SLC24A2: variants seen among roughly 807,000 people sequenced by gnomAD.
SLC24A2 encodes the protein solute carrier family 24 member 2, also known as sodium/potassium/calcium exchanger 2.
SLC24A2 carries 36 observed loss-of-function variants against 62.0 expected under a neutral mutation model. The observed-to-expected ratio is 0.58, with a 90% CI of 0.44 to 0.77. The LOEUF (loss-of-function observed/expected upper bound fraction) is 0.77, where lower values mean the gene tolerates loss of function less well. Among genes scored for constraint, SLC24A2 ranks in the 30% least tolerant of loss-of-function variants. The pLI is 0.00. For synonymous variants in SLC24A2, 358 were observed against 294.0 expected, an observed-to-expected ratio of 1.22 and a Z score of -2.23; for missense variants, 846 against 817.9, an observed-to-expected ratio of 1.03 and a Z score of -0.42.
the SLC24A2 span, among the ~76,000 whole-genome samples, chr9:20,127,076 C>T: frequency 1.3e-5 from 2 of 152,102 alleles, no homozygotes; most frequent in East Asian, 1.9e-4. Flanking sequence ...TTCTTTACCC[C>T]ACCCTAACCC....
the SLC24A2 span, among the ~76,000 whole-genome samples, chr9:20,281,909 A>G: frequency 3.9e-5 from 6 of 152,102 alleles, no homozygotes; most frequent in African/African-American, 1.2e-4. Context: ...ATTTCTCTCA[A>G]TATTGTTTTG....
At chr9:20,086,260 T>A in the SLC24A2 span, among the ~76,000 whole-genome samples, 1 of 152,066 alleles carries the variant, frequency 6.6e-6, no homozygotes, top group Middle Eastern at 3.2e-3. Flanking sequence ...AAATAGCCCA[T>A]CCTCCCCATT....
chr9:19,707,096 T>A (rs1183133186), intron 2 of SLC24A2, among the ~76,000 whole-genome samples: 1 of 151,658 alleles, frequency 6.6e-6, no homozygotes, highest in African/African-American at 2.4e-5. Flanking sequence ...CCCACAGAAA[T>A]ACAAACTACC....
chr9:20,205,713 G>C, the SLC24A2 span, among the ~76,000 whole-genome samples: 2 of 149,898 alleles, frequency 1.3e-5, no homozygotes, highest in African/African-American at 2.5e-5. Context: ...TTCAGATTTA[G>C]GTATTTAGCA....
chr9:19,702,088 C>T (rs536163239), intron 2 of SLC24A2, among the ~76,000 whole-genome samples: 84 of 152,244 alleles, frequency 5.5e-4, no homozygotes, highest in Admixed American at 5.1e-3. Flanking sequence ...CATGTAAAGA[C>T]AGAATTAATA....
At chr9:19,624,664 A>C (rs995952063) in intron 2 of SLC24A2, among the ~76,000 whole-genome samples, 2 of 152,230 alleles carry the variant, frequency 1.3e-5, no homozygotes, top group African/African-American at 4.8e-5. Flanking sequence ...TTTTCTTTCA[A>C]GTGTAATCTG....
intron 2 of SLC24A2, among the ~76,000 whole-genome samples, chr9:19,781,221 G>C (rs1424490991): frequency 2.0e-5 from 3 of 152,186 alleles, no homozygotes; most frequent in African/African-American, 7.2e-5. Context: ...GGATGTACTT[G>C]TGTCCCCAGT....
At chr9:19,612,026 G>A (rs1031489917) in intron 4 of SLC24A2, among the ~76,000 whole-genome samples, 2 of 152,140 alleles carry the variant, frequency 1.3e-5, no homozygotes, top group Non-Finnish European at 2.9e-5. Context: ...CTTCAGGCAG[G>A]TAAGAAAACC....
the SLC24A2 span, among the ~76,000 whole-genome samples, chr9:20,177,056 C>T: frequency 6.6e-6 from 1 of 152,070 alleles, no homozygotes; most frequent in Non-Finnish European, 1.5e-5. Flanking sequence ...TAAATTATTA[C>T]CATGGTTATT....
At chr9:20,250,988 C>G in the SLC24A2 span, among the ~76,000 whole-genome samples, 1 of 152,168 alleles carries the variant, frequency 6.6e-6, no homozygotes, top group Non-Finnish European at 1.5e-5. Context: ...ATGAGCTACT[C>G]AAAATAGGCA....
At chr9:19,976,487 C>A in the SLC24A2 span, among the ~76,000 whole-genome samples, 2 of 152,232 alleles carry the variant, frequency 1.3e-5, no homozygotes, top group South Asian at 4.1e-4. Context: ...TTCCCCTCCA[C>A]CTTCTACTGT....
At chr9:19,782,533 T>C (rs1195762323) in intron 2 of SLC24A2, among the ~76,000 whole-genome samples, 1 of 152,230 alleles carries the variant, frequency 6.6e-6, no homozygotes. Context: ...CTAGAGCTTA[T>C]GAATATTATA....
At position 19,571,401 on chromosome 9, in the gene SLC24A2, A is replaced by AT. The variant is rs149140350; in HGVS notation, c.1347+1949dup. On this transcript the variant is annotated intron_variant, in intron 7 of 10. Coordinates refer to ENST00000341998, the MANE Select transcript of SLC24A2 (RefSeq NM_020344.4). ...ATAAGGGTAACAGGCAACAATTAGC[A>AT]TTTTTTTTTTCTTAAGAAGTGGCTG... Among the ~76,000 whole-genome samples the AT allele has an allele frequency of 3.5e-3, 532 of 150,398 alleles. 4 individuals carry two copies. The highest frequency in any genetic ancestry group is 8.0e-3 in the African/African-American group (328 of 41,084).
At chr9:19,958,544 G>A in the SLC24A2 span, among the ~76,000 whole-genome samples, 39 of 152,124 alleles carry the variant, frequency 2.6e-4, no homozygotes, top group Non-Finnish European at 4.4e-4. Context: ...GCAGATCGGC[G>A]AGCACGTGCT....
chr9:19,960,376 C>A, the SLC24A2 span, among the ~76,000 whole-genome samples: 1 of 152,038 alleles, frequency 6.6e-6, no homozygotes, highest in Non-Finnish European at 1.5e-5. Context: ...TGTTTGGGAC[C>A]CACTTATAAT....
At chr9:19,703,736 T>C (rs1820424502) in intron 2 of SLC24A2, among the ~76,000 whole-genome samples, 1 of 152,148 alleles carries the variant, frequency 6.6e-6, no homozygotes, top group South Asian at 2.1e-4. Context: ...AAGCTCTGTC[T>C]TGGTTCACTG....
the SLC24A2 span, among the ~76,000 whole-genome samples, chr9:19,845,464 G>A: frequency 6.6e-6 from 1 of 152,106 alleles, no homozygotes; most frequent in African/African-American, 2.4e-5. Context: ...TCAGTGAAGA[G>A]AGATAGTTTG....
chr9:20,094,068 T>C, the SLC24A2 span, among the ~76,000 whole-genome samples: 1 of 152,218 alleles, frequency 6.6e-6, no homozygotes, highest in Non-Finnish European at 1.5e-5. Flanking sequence ...GGTTATTTTC[T>C]TTTAAGGTGT....
the SLC24A2 span, among the ~76,000 whole-genome samples, chr9:19,860,239 C>A: frequency 1.3e-5 from 2 of 152,186 alleles, no homozygotes; most frequent in Admixed American, 1.3e-4. Flanking sequence ...CTTTATTTTA[C>A]ATCTTGGATA....
Sources: gnomAD v4.1 joint callset for allele counts (sites outside exome capture counted in the v4.1 genomes callset) on GRCh38, gnomAD v4.1.1 for gene constraint, MANE v1.5 for transcripts, NCBI Gene and HGNC (gene_info 2026-07-23, HGNC 2026-07-21) for gene names.